PTPRR: variants seen among roughly 807,000 people sequenced by gnomAD.
PTPRR encodes protein tyrosine phosphatase receptor type R, also known as receptor-type tyrosine-protein phosphatase R.
Under a neutral mutation model 77.2 loss-of-function variants are expected in PTPRR, and 38 were observed. The observed-to-expected ratio is 0.49, with a 90% CI of 0.38 to 0.65. The LOEUF is 0.65. Among genes scored for constraint, PTPRR ranks in the 30% least tolerant of loss-of-function variants. The pLI is 0.00. For missense variants in PTPRR, 744 were observed against 799.2 expected, an observed-to-expected ratio of 0.93 and a Z score of 0.83; for synonymous variants, 299 against 283.1, an observed-to-expected ratio of 1.06 and a Z score of -0.57.
intron 10 of PTPRR, chr12:70,672,592 A>G: frequency 6.9e-7 from 1 of 1,446,782 alleles, no homozygotes; most frequent in Non-Finnish European, 9.6e-7. Context: ...GACCAAGGAC[A>G]GTGTAGCAGA....
At chr12:70,677,165 A>G (rs373727328) in intron 10 of PTPRR, among the ~76,000 whole-genome samples, 67 of 152,044 alleles carry the variant, frequency 4.4e-4, no homozygotes, top group African/African-American at 1.4e-3. Context: ...AGGTATCTCT[A>G]TTTATTGGTA....
chr12:70,759,608 G>T (rs1284883009), intron 4 of PTPRR, among the ~76,000 whole-genome samples: 3 of 149,008 alleles, frequency 2.0e-5, no homozygotes, highest in African/African-American at 7.4e-5. Flanking sequence ...ATGAACTCGG[G>T]AGGCAGAGCT....
intron 13 of PTPRR, 94 bp from the exon 14 acceptor site, chr12:70,639,371 A>G: frequency 6.8e-7 from 1 of 1,478,592 alleles, no homozygotes; most frequent in Non-Finnish European, 9.2e-7. Flanking sequence ...TATTATGCCA[A>G]AGACACATAG....
intron 2 of PTPRR, among the ~76,000 whole-genome samples, chr12:70,821,113 A>G (rs571888698): frequency 5.9e-5 from 9 of 151,926 alleles, no homozygotes; most frequent in African/African-American, 1.9e-4. Flanking sequence ...GGTTGTCCAT[A>G]TAGGACGATG....
chr12:70,722,683 A>T (rs1889300871), intron 6 of PTPRR, among the ~76,000 whole-genome samples: 1 of 152,138 alleles, frequency 6.6e-6, no homozygotes, highest in South Asian at 2.1e-4. Context: ...GATAAGACTC[A>T]TTATGAAGAA....
At chr12:70,888,743 CCACCA>C (rs1224207899) in intron 2 of PTPRR, among the ~76,000 whole-genome samples, 1 of 151,850 alleles carries the variant, frequency 6.6e-6, no homozygotes, top group Non-Finnish European at 1.5e-5. Context: ...TTGAGTTTGC[CCACCA>C]AGAGCAAGTC....
intron 2 of PTPRR, among the ~76,000 whole-genome samples, chr12:70,830,869 G>A (rs146522778): frequency 6.6e-6 from 1 of 152,268 alleles, no homozygotes; most frequent in African/African-American, 2.4e-5. Flanking sequence ...ACTTTTTATA[G>A]CCAGCCACTA....
chr12:70,776,101 T>C (rs987178259), intron 2 of PTPRR, among the ~76,000 whole-genome samples: 3 of 152,160 alleles, frequency 2.0e-5, no homozygotes, highest in African/African-American at 7.2e-5. Context: ...TTACCCAAAC[T>C]GAACTTACCT....
rs186851769 is a variant in PTPRR, at chr12:70,878,482, G to A, written c.357+14197C>T. Among the ~76,000 whole-genome samples the A allele has an allele frequency of 2.3e-3, 346 of 152,138 alleles. 1 individual carries two copies. The highest frequency in any genetic ancestry group is 8.5e-3 in the East Asian group (44 of 5,160). ...TCTCAAAAGAAGACATTTATGCAGCGAAAAGACACATGAAAAAATGCTCAT... is the reference window on the plus strand; with the variant it reads ...TCTCAAAAGAAGACATTTATGCAGCAAAAAGACACATGAAAAAATGCTCAT... On this transcript the variant is annotated intron_variant, in intron 2 of 13. Coordinates refer to ENST00000283228, the MANE Select transcript of PTPRR (RefSeq NM_002849.4).
intron 2 of PTPRR, among the ~76,000 whole-genome samples, chr12:70,854,171 T>C (rs956189587): frequency 6.6e-6 from 1 of 152,216 alleles, no homozygotes. Context: ...TTTCTTTCCA[T>C]GACCACCAAC....
At chr12:70,759,433 C>T (rs7968934) in intron 4 of PTPRR, among the ~76,000 whole-genome samples, 37,452 of 151,848 alleles carry the variant, frequency 0.25, 4,830 homozygotes, top group African/African-American at 0.28. Context: ...GCATCTTCGT[C>T]TGTGGAGGTA....
chr12:70,747,391 C>T (rs1249342509), intron 5 of PTPRR, among the ~76,000 whole-genome samples: 1 of 152,128 alleles, frequency 6.6e-6, no homozygotes, highest in Non-Finnish European at 1.5e-5. Context: ...TACAAAAATA[C>T]ACTTAGAAGA....
chr12:70,650,634 C>CGA (rs1387236611), intron 13 of PTPRR, among the ~76,000 whole-genome samples: 1 of 152,034 alleles, frequency 6.6e-6, no homozygotes, highest in African/African-American at 2.4e-5. Flanking sequence ...TTTTTCTACA[C>CGA]CCAGGTGCCT....
Position 70,639,004 on chromosome 12 carries a change from T to A in PTPRR, c.*180A>T. On this transcript the variant is annotated 3_prime_UTR_variant, in exon 14 of 14. Transcript: ENST00000283228. ...AATTTGGGGGATGCTTACAAATGCA[T>A]TCATATACACAAGGAGCTGGAAATC... The A allele has an allele frequency of 1.6e-6, 1 of 612,998 alleles. No individual in the cohort carries two copies. The highest frequency in any genetic ancestry group is 2.0e-5 in the South Asian group (1 of 50,248). 38.0% of individuals were successfully genotyped at this position (612,998 alleles called of 1,614,324 possible). A position where few individuals can be genotyped will look rare whatever the true frequency, so the allele number is the denominator to read the frequency against.
intron 2 of PTPRR, among the ~76,000 whole-genome samples, chr12:70,855,626 T>C (rs1565719505): frequency 6.6e-6 from 1 of 152,200 alleles, no homozygotes; most frequent in Non-Finnish European, 1.5e-5. Context: ...GCAAGCTTCC[T>C]AGCTTCTTAG....
chr12:70,853,699 C>A (rs756807723), intron 2 of PTPRR, among the ~76,000 whole-genome samples: 3 of 152,210 alleles, frequency 2.0e-5, no homozygotes, highest in Non-Finnish European at 4.4e-5. Context: ...CTGGTCACTA[C>A]TTCTTACTTG....
chr12:70,841,805 G>A (rs1296584150), intron 2 of PTPRR, among the ~76,000 whole-genome samples: 1 of 152,000 alleles, frequency 6.6e-6, no homozygotes, highest in East Asian at 1.9e-4. Flanking sequence ...CATGGTATTA[G>A]TTTTCACTGT....
At chr12:70,742,066 T>G (rs1317690791) in intron 6 of PTPRR, among the ~76,000 whole-genome samples, 1 of 152,080 alleles carries the variant, frequency 6.6e-6, no homozygotes, top group Non-Finnish European at 1.5e-5. Context: ...GGGAACAACA[T>G]GGTGGTAACT....
intron 10 of PTPRR, among the ~76,000 whole-genome samples, chr12:70,676,256 G>C (rs905754902): frequency 5.3e-5 from 8 of 151,690 alleles, no homozygotes; most frequent in Admixed American, 2.0e-4. Flanking sequence ...TCATTTAGCT[G>C]TGTCTTGTTT....
Sources: gnomAD v4.1 joint callset for allele counts (sites outside exome capture counted in the v4.1 genomes callset) on GRCh38, gnomAD v4.1.1 for gene constraint, MANE v1.5 for transcripts, NCBI Gene and HGNC (gene_info 2026-07-23, HGNC 2026-07-21) for gene names.